Variants in TMC7 observed in about 807,000 individuals in gnomAD.
The protein encoded by TMC7 is transmembrane channel-like protein 7.
In TMC7, 54 loss-of-function variants were observed where a neutral mutation model predicts 82.9. The observed-to-expected ratio is 0.65, with a 90% CI of 0.52 to 0.82. TMC7 has a LOEUF of 0.82. Among genes scored for constraint, TMC7 ranks in the 40% least tolerant of loss-of-function variants. The pLI is 0.00. For synonymous variants in TMC7, 350 were observed against 337.9 expected, an observed-to-expected ratio of 1.04 and a Z score of -0.39; for missense variants, 820 against 901.2, an observed-to-expected ratio of 0.91 and a Z score of 1.15.
chr16:19,036,245 T>G (rs1025703246), intron 7 of TMC7, among the ~76,000 whole-genome samples: 1 of 152,040 alleles, frequency 6.6e-6, no homozygotes, highest in Non-Finnish European at 1.5e-5. Flanking sequence ...CGTGGTGGCT[T>G]ATGCCTGTAA....
chr16:19,009,507 A>G, intron 2 of TMC7, 92 bp downstream of exon 2: 2 of 1,470,446 alleles, frequency 1.4e-6, no homozygotes, highest in Non-Finnish European at 1.8e-6. Context: ...AAGAGCTCAT[A>G]TAATTAAAAT....
chr16:18,995,399 C>G (rs1779698667), intron 1 of TMC7, among the ~76,000 whole-genome samples: 1 of 152,222 alleles, frequency 6.6e-6, no homozygotes, highest in Admixed American at 6.5e-5. Context: ...TCTTCAGCCA[C>G]TAAGCTGAGA....
chr16:18,987,760 G>A (rs1243373720), intron 1 of TMC7, among the ~76,000 whole-genome samples: 2 of 152,076 alleles, frequency 1.3e-5, no homozygotes, highest in Admixed American at 1.3e-4. Context: ...CAGCCACACT[G>A]GCAGCCGTAA....
intron 1 of TMC7, among the ~76,000 whole-genome samples, chr16:18,997,165 AGGAGTCCT>A (rs973124128): frequency 1.3e-5 from 2 of 152,348 alleles, no homozygotes; most frequent in African/African-American, 4.8e-5. Flanking sequence ...GGTCTCCCGA[AGGAGTCCT>A]CCCGTCCTGG....
At chr16:19,046,863 G>C (rs7185860) in intron 11 of TMC7, among the ~76,000 whole-genome samples, 200 bp from the exon 12 acceptor site, 137,218 of 151,682 alleles carry the variant, frequency 0.9, 62,792 homozygotes, top group Non-Finnish European at 0.97. Context: ...AGGATTGTAT[G>C]AATTTCAGTG....
intron 1 of TMC7, among the ~76,000 whole-genome samples, chr16:18,985,991 A>C (rs1436331305): frequency 1.3e-5 from 2 of 151,762 alleles, no homozygotes; most frequent in Non-Finnish European, 2.9e-5. Context: ...TATGATTATG[A>C]CACTGGGCTC....
At chr16:19,061,175 T>C (rs539157795) in intron 15 of TMC7, among the ~76,000 whole-genome samples, 2 of 152,286 alleles carry the variant, frequency 1.3e-5, no homozygotes, top group African/African-American at 2.4e-5. Flanking sequence ...GGCTAATTTT[T>C]TGTATTTTTA....
At position 19,037,399 on chromosome 16, in the gene TMC7, A is replaced by G. The variant is rs1214650108; in HGVS notation, c.1006-475A>G. Among the ~76,000 whole-genome samples the G allele has an allele frequency of 4.9e-5, 7 of 141,590 alleles. 1 individual carries two copies. The highest frequency in any genetic ancestry group is 2.1e-4 in the East Asian group (1 of 4,858). 92.9% of individuals were successfully genotyped at this position (141,590 alleles called of 152,430 possible). A position where few individuals can be genotyped will look rare whatever the true frequency, so the allele number is the denominator to read the frequency against. On this transcript the variant is annotated intron_variant, in intron 7 of 15. Coordinates refer to ENST00000304381, the MANE Select transcript of TMC7 (RefSeq NM_024847.4). ...GAGACTCTGTCTCAAAAAAAAAAAA[A>G]AAAAGAAAGAAAAAAAGTAGTTGGG...
At chr16:18,986,000 T>C (rs895216699) in intron 1 of TMC7, among the ~76,000 whole-genome samples, 1 of 151,602 alleles carries the variant, frequency 6.6e-6, no homozygotes, top group Non-Finnish European at 1.5e-5. Context: ...GACACTGGGC[T>C]CCAGCCTGGG....
At chr16:19,018,120 AGAG>A (rs765650488) in intron 3 of TMC7, among the ~76,000 whole-genome samples, 2 of 152,230 alleles carry the variant, frequency 1.3e-5, no homozygotes, top group Non-Finnish European at 2.9e-5. Flanking sequence ...CCTGGGTAAC[AGAG>A]CCAGACCCTG....
intron 3 of TMC7, 129 bp downstream of exon 3, chr16:19,016,727 A>C (rs1959715296): frequency 1.9e-6 from 2 of 1,038,696 alleles, no homozygotes; most frequent in Non-Finnish European, 2.7e-6. Context: ...TGAGCAACAA[A>C]CCACAGCAAG....
intron 11 of TMC7, among the ~76,000 whole-genome samples, chr16:19,046,015 A>G (rs567619040): frequency 6.6e-6 from 1 of 152,130 alleles, no homozygotes; most frequent in Non-Finnish European, 1.5e-5. Flanking sequence ...GGTTTGAACC[A>G]TTGTGTCTGT....
At chr16:19,060,784 T>G (rs928080640) in intron 15 of TMC7, among the ~76,000 whole-genome samples, 1 of 138,226 alleles carries the variant, frequency 7.2e-6, no homozygotes, top group Non-Finnish European at 1.5e-5. Flanking sequence ...AAGAGTCTAC[T>G]GTGCATTTTT....
chr16:19,058,489 G>A (rs975589579), intron 14 of TMC7, among the ~76,000 whole-genome samples: 3 of 152,158 alleles, frequency 2.0e-5, no homozygotes, highest in Non-Finnish European at 4.4e-5. Flanking sequence ...GGGCTAGAGA[G>A]CCTCCACAGT....
chr16:19,041,691 G>A (rs1961023210), intron 9 of TMC7, among the ~76,000 whole-genome samples: 2 of 152,100 alleles, frequency 1.3e-5, no homozygotes, highest in Non-Finnish European at 2.9e-5. Flanking sequence ...ATATCTCTAA[G>A]TGATGGGAGC....
At chr16:19,048,418 C>A (rs1362193352) in intron 12 of TMC7, among the ~76,000 whole-genome samples, 1 of 151,828 alleles carries the variant, frequency 6.6e-6, no homozygotes, top group South Asian at 2.1e-4. Context: ...TTTTTTCTTT[C>A]TTTATTTTAT....
intron 8 of TMC7, 65 bp downstream of exon 8, chr16:19,038,112 CCAT>C: frequency 6.8e-7 from 1 of 1,468,508 alleles, no homozygotes. Context: ...GAGGTAGATA[CCAT>C]CGTCATTTCT....
chr16:19,054,703 T>G (rs1961689801), intron 13 of TMC7, among the ~76,000 whole-genome samples: 1 of 146,622 alleles, frequency 6.8e-6, no homozygotes, highest in African/African-American at 2.5e-5. Context: ...GCAACAAGAG[T>G]GTAACTCTGT....
intron 1 of TMC7, among the ~76,000 whole-genome samples, chr16:18,997,664 C>T (rs73526778): frequency 0.064 from 9,796 of 151,910 alleles, 1,045 homozygotes; most frequent in African/African-American, 0.22. Flanking sequence ...ACCCAGCCAC[C>T]GCACCCGGCC....
Sources: gnomAD v4.1 joint callset for allele counts (sites outside exome capture counted in the v4.1 genomes callset) on GRCh38, gnomAD v4.1.1 for gene constraint, MANE v1.5 for transcripts, NCBI Gene and HGNC (gene_info 2026-07-23, HGNC 2026-07-21) for gene names.